Variants in COL4A1 observed in about 807,000 individuals in gnomAD.
The protein encoded by COL4A1 is collagen alpha-1(IV) chain.
Under a neutral mutation model 216.6 loss-of-function variants are expected in COL4A1, and 40 were observed. The observed-to-expected ratio is 0.18, with a 90% CI of 0.14 to 0.24. The LOEUF (loss-of-function observed/expected upper bound fraction) is 0.24, where lower values mean the gene tolerates loss of function less well. COL4A1 is among the 10% of genes least tolerant of loss of function. COL4A1 has a pLI of 1.00. For synonymous variants in COL4A1, 839 were observed against 810.7 expected, an observed-to-expected ratio of 1.03 and a Z score of -0.59; for missense variants, 1,628 against 2,196.8, an observed-to-expected ratio of 0.74 and a Z score of 5.18.
rs548231987 is a variant in COL4A1 at position 110,207,233 on chromosome 13, T to C, written c.780+170A>G. On this transcript the variant is annotated intron_variant, in intron 13 of 51. Transcript: ENST00000375820. This position sits in a 1 kb window ranked among gnomAD's most constrained non-coding sequence, Gnocchi z 4.4. Reference sequence around the variant, plus strand: ...TTGGACCAATCCAGTTCCAGCTGTCTCTGCTCTCAAAGGGGCTCGTATTTT... The same window carrying C: ...TTGGACCAATCCAGTTCCAGCTGTCCCTGCTCTCAAAGGGGCTCGTATTTT... Among the ~76,000 whole-genome samples, 3 of 152,130 alleles carry C rather than the reference T, an allele frequency of 2.0e-5. No individual in the cohort carries two copies. Among genetic ancestry groups the C allele is most frequent in the Non-Finnish European group, 4.4e-5 (3 of 68,024 alleles).
At chr13:110,210,454 G>C (rs996526241) in intron 8 of COL4A1, among the ~76,000 whole-genome samples, 2 of 151,814 alleles carry the variant, frequency 1.3e-5, no homozygotes, top group Non-Finnish European at 2.9e-5. Flanking sequence ...ATGTAGAGAC[G>C]GCAAAGCAAA....
intron 20 of COL4A1, among the ~76,000 whole-genome samples, chr13:110,199,188 C>T (rs896148347): frequency 6.6e-5 from 10 of 152,192 alleles, no homozygotes; most frequent in African/African-American, 2.4e-4. Flanking sequence ...GAGCTGAGGC[C>T]GGACGCAGGG....
intron 2 of COL4A1, among the ~76,000 whole-genome samples, chr13:110,241,493 C>G (rs944584419): frequency 2.0e-5 from 3 of 152,132 alleles, no homozygotes; most frequent in Non-Finnish European, 4.4e-5. Flanking sequence ...AGGTTTTTAA[C>G]AAAATGTCTG....
chr13:110,174,457 T>C lies in COL4A1; in HGVS notation c.3395A>G (p.Lys1132Arg). The C allele has an allele frequency of 6.2e-7, 1 of 1,613,996 alleles. No individual in the cohort carries two copies. The highest frequency in any genetic ancestry group is 2.2e-5 in the East Asian group (1 of 44,860). The change falls in exon 39 of 52, where the codon AAA becomes AGA. Residue 1132 changes from lysine to arginine, a missense_variant. Lys to Arg is a conservative substitution (Grantham distance 26). Coordinates refer to ENST00000375820, the MANE Select transcript of COL4A1 (RefSeq NM_001845.6). ...LPGLDGIPGVKGEAGLPGTPG... is the reference protein window; with the variant it reads ...LPGLDGIPGVRGEAGLPGTPG... Reference sequence around the variant, plus strand: ...AGAGGGCCCTCTACCTGCTTCTCCTTTGACACCAGGGATGCCATCCAATCC... The same window carrying C: ...AGAGGGCCCTCTACCTGCTTCTCCTCTGACACCAGGGATGCCATCCAATCC...
chr13:110,167,075 T>A, intron 44 of COL4A1, 83 bp downstream of exon 44: 1 of 1,096,498 alleles, frequency 9.1e-7, no homozygotes. Flanking sequence ...GTGCTATCAG[T>A]GCTAAGGTGC....
chr13:110,261,248 A>C (rs562857425), intron 1 of COL4A1, among the ~76,000 whole-genome samples: 2 of 152,284 alleles, frequency 1.3e-5, no homozygotes, highest in East Asian at 3.9e-4. Flanking sequence ...GCCCTGGCGC[A>C]GGAAGCCCCC....
At chr13:110,205,074 A>G (rs1186455792) in intron 17 of COL4A1, among the ~76,000 whole-genome samples, 3 of 152,214 alleles carry the variant, frequency 2.0e-5, no homozygotes, top group African/African-American at 7.2e-5. Context: ...TTACCTCGTG[A>G]TATCTTTCTG....
intron 49 of COL4A1, 68 bp downstream of exon 49, chr13:110,161,124 T>C (rs1877063409): frequency 8.6e-6 from 13 of 1,511,196 alleles, no homozygotes; most frequent in Middle Eastern, 4.3e-4. Context: ...ATAGAAAACA[T>C]ATGCTTGTCC....
chr13:110,150,185 CT>C lies in COL4A1; in HGVS notation c.*177del. ...GAAAGCTTATCGCTGTCTTTTTCTC[CT>C]TCAGCAAGTAGAGGTCAATGAAGCA... is the stretch of plus-strand genomic sequence containing the variant. On this transcript the variant is annotated 3_prime_UTR_variant, in exon 52 of 52. Transcript: ENST00000375820. 2.9e-6 allele frequency: 2 copies of C among 678,404 alleles called. No homozygotes were observed. Among genetic ancestry groups the C allele is most frequent in the Non-Finnish European group, 5.3e-6 (2 of 374,908 alleles). The allele number at this position is 678,404 out of a possible 1,614,324, so 42.0% of individuals were successfully genotyped here. A position where few individuals can be genotyped will look rare whatever the true frequency, so the allele number is the denominator to read the frequency against.
chr13:110,238,282 G>A (rs988478955), intron 2 of COL4A1, among the ~76,000 whole-genome samples: 1 of 152,232 alleles, frequency 6.6e-6, no homozygotes, highest in African/African-American at 2.4e-5. Context: ...ACTTAATTGA[G>A]ACTCTGCTCA....
chr13:110,159,220 T>C (rs1344680537), intron 49 of COL4A1, among the ~76,000 whole-genome samples: 1 of 151,856 alleles, frequency 6.6e-6, no homozygotes. Flanking sequence ...GTCCAACACA[T>C]GCATTTTCGA....
At chr13:110,255,935 C>CAA in intron 1 of COL4A1, among the ~76,000 whole-genome samples, 1 of 137,012 alleles carries the variant, frequency 7.3e-6, no homozygotes, top group East Asian at 2.2e-4. Context: ...GGGAAGGAGG[C>CAA]AGAGGAAAGA....
At chr13:110,179,070 G>T (rs1878020844) in intron 30 of COL4A1, 34 bp from the exon 31 acceptor site, 3 of 1,590,644 alleles carry the variant, frequency 1.9e-6, no homozygotes, top group Non-Finnish European at 2.6e-6. Flanking sequence ...AGCTGTACAG[G>T]AGCAGTGGCA....
chr13:110,161,415 C>T (rs1378034158), intron 48 of COL4A1, 46 bp from the exon 49 acceptor site: 3 of 1,556,198 alleles, frequency 1.9e-6, no homozygotes, highest in Non-Finnish European at 2.6e-6. Flanking sequence ...TTATAATTCA[C>T]AATCTATCTC....
chr13:110,183,291 G>T lies in COL4A1; in HGVS notation c.1898-15C>A, dbSNP rs771532313. 2 of 1,609,726 alleles carry T rather than the reference G, an allele frequency of 1.2e-6. No individual in the cohort carries two copies. Among genetic ancestry groups the T allele is most frequent in the Non-Finnish European group, 1.7e-6 (2 of 1,177,858 alleles). ...ACCCTTTGGACCTAGAGGAAAAAAA[G>T]AGCAAAGACAAACGATGAAGGAATG... On this transcript the variant is annotated splice_polypyrimidine_tract_variant and intron_variant, in intron 26 of 51. Coordinates refer to ENST00000375820, the MANE Select transcript of COL4A1 (RefSeq NM_001845.6).
intron 50 of COL4A1, 68 bp from the exon 51 acceptor site, chr13:110,152,574 TC>T (rs1023945277): frequency 1.3e-6 from 2 of 1,532,230 alleles, no homozygotes; most frequent in Non-Finnish European, 1.8e-6. Context: ...GATCGATCCT[TC>T]CCAGGAAGGC....
chr13:110,274,259 T>C (rs1594109010), intron 1 of COL4A1, among the ~76,000 whole-genome samples: 1 of 152,178 alleles, frequency 6.6e-6, no homozygotes, highest in Non-Finnish European at 1.5e-5. Context: ...ATACGTCGTA[T>C]GTAGCTCAAC....
At chr13:110,306,690 T>G (rs972127273) in intron 1 of COL4A1, among the ~76,000 whole-genome samples, 3 of 152,180 alleles carry the variant, frequency 2.0e-5, no homozygotes, top group Admixed American at 1.3e-4. Flanking sequence ...CAGCGCGGGC[T>G]GTTTCTCCTC....
At chr13:110,271,273 C>T (rs1261738834) in intron 1 of COL4A1, among the ~76,000 whole-genome samples, 3 of 152,146 alleles carry the variant, frequency 2.0e-5, no homozygotes, top group Admixed American at 6.5e-5. Flanking sequence ...GGGATAGTCA[C>T]GTTACGGTGC....
Sources: allele counts gnomAD v4.1 joint callset (sites outside exome capture counted in the v4.1 genomes callset), GRCh38; gene constraint gnomAD v4.1.1; non-coding constraint Gnocchi (gnomAD v3.1); transcripts MANE v1.5; gene names NCBI Gene and HGNC (gene_info 2026-07-23, HGNC 2026-07-21).